RBMS3: variants seen among roughly 807,000 people sequenced by gnomAD.
RBMS3 encodes the protein RNA-binding motif, single-stranded-interacting protein 3.
In RBMS3, 27 loss-of-function variants were observed where a neutral mutation model predicts 66.8. The observed-to-expected ratio is 0.40, with a 90% CI of 0.30 to 0.56. The LOEUF (loss-of-function observed/expected upper bound fraction) is 0.56. RBMS3 is among the 20% of genes least tolerant of loss of function. The pLI is 0.40. For synonymous variants in RBMS3, 188 were observed against 183.0 expected (o/e 1.03, Z -0.22); for missense variants, 513 against 549.5 (o/e 0.93, Z 0.66).
rs2032195371 is a variant in RBMS3 at position 29,285,162 on chromosome 3, A to C, written c.75+3406A>C. Among the ~76,000 whole-genome samples the C allele has an allele frequency of 1.4e-5, 2 of 147,226 alleles. 1 individual carries two copies. Among genetic ancestry groups the C allele is most frequent in the Non-Finnish European group, 3.0e-5 (2 of 66,918 alleles). On this transcript the variant is annotated intron_variant, in intron 1 of 14. Transcript: ENST00000383767. ...TTTTATCACCCTTTCCAAAAAAAAAACAACCTGTTGCTGTTGACTTATGAG... is the reference window on the plus strand; with the variant it reads ...TTTTATCACCCTTTCCAAAAAAAAACCAACCTGTTGCTGTTGACTTATGAG...
intron 6 of RBMS3, among the ~76,000 whole-genome samples, chr3:29,811,342 C>T (rs770028066): frequency 3.3e-5 from 5 of 152,144 alleles, no homozygotes; most frequent in Non-Finnish European, 7.3e-5. Context: ...GAAGCCCACA[C>T]GGCCTCTGGC....
At chr3:29,772,478 A>G (rs997606754) in intron 6 of RBMS3, among the ~76,000 whole-genome samples, 16 of 152,038 alleles carry the variant, frequency 1.1e-4, no homozygotes, top group African/African-American at 3.4e-4. Flanking sequence ...GAAAAATCAT[A>G]TTCAGTGATG....
At position 29,524,767 on chromosome 3, in the gene RBMS3, T is replaced by G. The variant is rs142784052; in HGVS notation, c.307+36268T>G. On this transcript the variant is annotated intron_variant, in intron 3 of 14. Transcript: ENST00000383767. ...CCTACATTCTGAAAAAATGACCTCT[T>G]GAGAGGCTGGGTGTGGTGGTTAATG... is the stretch of plus-strand genomic sequence containing the variant. 3.4e-3 allele frequency among the ~76,000 whole-genome samples: 516 copies of G among 152,120 alleles called. 4 individuals carry two copies. The highest frequency in any genetic ancestry group is 0.012 in the African/African-American group (490 of 41,502).
intron 4 of RBMS3, among the ~76,000 whole-genome samples, chr3:29,655,052 C>A (rs2050277746): frequency 6.6e-6 from 1 of 152,118 alleles, no homozygotes; most frequent in Non-Finnish European, 1.5e-5. Context: ...TATTCTGTAG[C>A]CTCTTCCCCT....
chr3:29,613,255 T>G (rs1304010712), intron 4 of RBMS3, among the ~76,000 whole-genome samples: 1 of 152,174 alleles, frequency 6.6e-6, no homozygotes, highest in Admixed American at 6.6e-5. Context: ...TTTTGAGGAA[T>G]CTCCATACTA....
intron 1 of RBMS3, among the ~76,000 whole-genome samples, chr3:29,409,891 C>A (rs1201547125): frequency 6.6e-6 from 1 of 151,940 alleles, no homozygotes; most frequent in Non-Finnish European, 1.5e-5. Flanking sequence ...TTCATTACTT[C>A]AGTATACTGT....
chr3:29,490,015 C>G (rs1338568298), intron 3 of RBMS3, among the ~76,000 whole-genome samples: 1 of 139,684 alleles, frequency 7.2e-6, no homozygotes, highest in African/African-American at 2.7e-5. Flanking sequence ...TGCACTCCAG[C>G]CTGGGCTACA....
intron 10 of RBMS3, among the ~76,000 whole-genome samples, chr3:29,917,487 T>A (rs2060667440): frequency 6.6e-6 from 1 of 152,108 alleles, no homozygotes; most frequent in Admixed American, 6.6e-5. Context: ...ATAGTCCCTG[T>A]CTTTATGAAA....
At chr3:29,584,476 C>A (rs1046639882) in intron 3 of RBMS3, among the ~76,000 whole-genome samples, 1 of 152,032 alleles carries the variant, frequency 6.6e-6, no homozygotes, top group Non-Finnish European at 1.5e-5. Context: ...TTCTGAGCAC[C>A]AAACTAATAT....
At chr3:29,736,399 C>T (rs987829517) in intron 4 of RBMS3, among the ~76,000 whole-genome samples, 1 of 152,154 alleles carries the variant, frequency 6.6e-6, no homozygotes, top group Non-Finnish European at 1.5e-5. Flanking sequence ...TTATGGTACA[C>T]CATTTTGAGC....
chr3:29,934,872 G>T (rs749929836), intron 10 of RBMS3, among the ~76,000 whole-genome samples: 4 of 151,954 alleles, frequency 2.6e-5, no homozygotes, highest in Admixed American at 6.6e-5. Flanking sequence ...GTTGAATTTC[G>T]ATAATACCAG....
At chr3:29,740,703 A>G (rs1444342812) in intron 5 of RBMS3, among the ~76,000 whole-genome samples, 1 of 152,144 alleles carries the variant, frequency 6.6e-6, no homozygotes. Flanking sequence ...GGATGAATGG[A>G]TGGATGTTAA....
At chr3:29,858,327 A>C (rs1303219694) in intron 6 of RBMS3, among the ~76,000 whole-genome samples, 1 of 152,210 alleles carries the variant, frequency 6.6e-6, no homozygotes, top group Non-Finnish European at 1.5e-5. Flanking sequence ...TAATCTATAA[A>C]TATAAAATAC....
At chr3:29,354,963 G>A (rs1431723837) in intron 1 of RBMS3, among the ~76,000 whole-genome samples, 1 of 152,052 alleles carries the variant, frequency 6.6e-6, no homozygotes, top group Non-Finnish European at 1.5e-5. Flanking sequence ...TCATTTTCAG[G>A]TGGGAAATTG....
chr3:29,840,330 G>A (rs928686592), intron 6 of RBMS3, among the ~76,000 whole-genome samples: 16 of 151,984 alleles, frequency 1.1e-4, no homozygotes, highest in African/African-American at 3.9e-4. Context: ...TAAAAGCATT[G>A]AAAATCAATT....
chr3:29,929,769 TCTTA>T (rs972388148), intron 10 of RBMS3, among the ~76,000 whole-genome samples: 26 of 152,216 alleles, frequency 1.7e-4, no homozygotes, highest in African/African-American at 4.6e-4. Context: ...GTGGAAAATG[TCTTA>T]CTTCTAAACA....
intron 6 of RBMS3, among the ~76,000 whole-genome samples, chr3:29,777,525 T>C (rs1001980523): frequency 1.3e-5 from 2 of 151,958 alleles, no homozygotes; most frequent in African/African-American, 2.4e-5. Flanking sequence ...TAGAAATATA[T>C]GACATAATAC....
intron 1 of RBMS3, among the ~76,000 whole-genome samples, chr3:29,311,147 C>G (rs2034349583): frequency 6.6e-6 from 1 of 151,698 alleles, no homozygotes; most frequent in Non-Finnish European, 1.5e-5. Context: ...GGTTGATAAA[C>G]AGAGCTAATA....
At chr3:29,627,808 G>C (rs1344053088) in intron 4 of RBMS3, among the ~76,000 whole-genome samples, 1 of 152,108 alleles carries the variant, frequency 6.6e-6, no homozygotes, top group East Asian at 1.9e-4. Context: ...GAGGAAGAGA[G>C]AGAGGAAGCA....
Sources: gnomAD v4.1 joint callset for allele counts (sites outside exome capture counted in the v4.1 genomes callset) on GRCh38, gnomAD v4.1.1 for gene constraint, MANE v1.5 for transcripts, NCBI Gene and HGNC (gene_info 2026-07-23, HGNC 2026-07-21) for gene names.